Variants in BRI3BP observed in about 807,000 individuals in gnomAD.
The protein encoded by BRI3BP is BRI3 binding protein.
Under a neutral mutation model 15.8 loss-of-function variants are expected in BRI3BP, and 7 were observed. The observed-to-expected ratio is 0.44, with a 90% CI of 0.25 to 0.83. BRI3BP has a LOEUF of 0.83. BRI3BP is among the 40% of genes least tolerant of loss of function. BRI3BP has a pLI of 0.20. For synonymous variants in BRI3BP, 192 were observed against 163.5 expected (o/e 1.17, Z -1.33); for missense variants, 320 against 339.3 (o/e 0.94, Z 0.45).
chr12:125,022,294 A>G (rs1594537581), intron 2 of BRI3BP, among the ~76,000 whole-genome samples: 1 of 151,924 alleles, frequency 6.6e-6, no homozygotes, highest in African/African-American at 2.4e-5. Flanking sequence ...GAAACAAACA[A>G]TTGCAGCATG....
chr12:125,041,769 T>C, the BRI3BP span, among the ~76,000 whole-genome samples: 1 of 152,326 alleles, frequency 6.6e-6, no homozygotes, highest in South Asian at 2.1e-4. Context: ...TGATCATGGC[T>C]CACTGTGGCT....
chr12:124,994,479 G>A (rs1955024322), intron 1 of BRI3BP, among the ~76,000 whole-genome samples: 1 of 151,976 alleles, frequency 6.6e-6, no homozygotes, highest in Admixed American at 6.6e-5. Flanking sequence ...CTGCTTTGAA[G>A]ATACTTGGAG....
chr12:124,996,071 G>C (rs1955038167), intron 1 of BRI3BP, among the ~76,000 whole-genome samples: 1 of 152,054 alleles, frequency 6.6e-6, no homozygotes, highest in African/African-American at 2.4e-5. Flanking sequence ...CCACCAGCAT[G>C]CCTGGCTAAG....
rs370083039 is a variant in BRI3BP at position 125,020,165 on chromosome 12, C to T, written c.317-4826C>T. Among the ~76,000 whole-genome samples, 29 of 152,070 alleles carry T rather than the reference C, an allele frequency of 1.9e-4. No homozygotes were observed. In the East Asian group the frequency reaches 3.5e-3, roughly 18 times the overall value. The stretch of plus-strand genomic sequence containing the variant: ...TTCGCCATATTGGTCAGGCTGGTCT[C>T]GAACTCCTGACTTCAGATGATCTGC... On this transcript the variant is annotated intron_variant, in intron 2 of 2. Transcript: ENST00000341446.
At chr12:125,032,687 T>C (rs1955414839), downstream of BRI3BP, among the ~76,000 whole-genome samples, 1 of 152,020 alleles carries the variant, frequency 6.6e-6, no homozygotes, top group Non-Finnish European at 1.5e-5. Flanking sequence ...CGTGGGAGGA[T>C]CGCTTGAGCC....
intron 1 of BRI3BP, among the ~76,000 whole-genome samples, chr12:125,008,336 A>G (rs1352321889): frequency 2.6e-4 from 33 of 127,608 alleles, no homozygotes; most frequent in Non-Finnish European, 4.3e-4. Context: ...TTTTTGAGAC[A>G]GAGTCTCGCT....
the BRI3BP span, among the ~76,000 whole-genome samples, chr12:125,047,782 C>T: frequency 2.6e-5 from 4 of 152,080 alleles, no homozygotes; most frequent in African/African-American, 4.8e-5. Context: ...CTGCAACCTC[C>T]GCTTTCCAGG....
At chr12:125,035,138 C>T (rs4765207), downstream of BRI3BP, among the ~76,000 whole-genome samples, 21,656 of 152,094 alleles carry the variant, frequency 0.14, 1,919 homozygotes, top group East Asian at 0.26. Flanking sequence ...ACAAATAAAG[C>T]GACTATGAAC....
At chr12:125,006,609 G>T (rs1014352807) in intron 1 of BRI3BP, among the ~76,000 whole-genome samples, 1 of 152,200 alleles carries the variant, frequency 6.6e-6, no homozygotes, top group African/African-American at 2.4e-5. Context: ...TGCAACCCAT[G>T]AATCTGACAA....
Position 125,028,534 on chromosome 12 carries a change from A to C in BRI3BP, c.*3104A>C, listed in dbSNP as rs191981385. 6.6e-6 allele frequency: 1 copy of C among 151,930 alleles called. No individual in the cohort carries two copies. 9.4% of individuals were successfully genotyped at this position (151,930 alleles called of 1,614,324 possible). A position where few individuals can be genotyped will look rare whatever the true frequency, so the allele number is the denominator to read the frequency against. On this transcript the variant is annotated 3_prime_UTR_variant, in exon 3 of 3. Coordinates refer to ENST00000341446, the MANE Select transcript of BRI3BP (RefSeq NM_080626.6). The stretch of plus-strand genomic sequence containing the variant: ...CACTCTGGCTAAGTGTAGGCTCTGA[A>C]GCCAGTTTTATAGCTTGATACATTC...
chr12:125,049,879 G>A, the BRI3BP span, among the ~76,000 whole-genome samples: 1 of 152,190 alleles, frequency 6.6e-6, no homozygotes, highest in Non-Finnish European at 1.5e-5. Context: ...GGAGGGGACT[G>A]GGAGGGGATG....
chr12:125,041,055 T>C, the BRI3BP span, among the ~76,000 whole-genome samples: 8 of 149,344 alleles, frequency 5.4e-5, no homozygotes, highest in Non-Finnish European at 7.4e-5. Flanking sequence ...TTTATTTTTA[T>C]TTTTTTTTGA....
chr12:125,047,542 C>T, the BRI3BP span, among the ~76,000 whole-genome samples: 1 of 150,106 alleles, frequency 6.7e-6, no homozygotes, highest in Non-Finnish European at 1.5e-5. Flanking sequence ...TGCAGTGGTG[C>T]AGTCAGTATT....
At chr12:125,017,744 G>A (rs1028991781) in intron 2 of BRI3BP, among the ~76,000 whole-genome samples, 8 of 152,104 alleles carry the variant, frequency 5.3e-5, no homozygotes, top group Non-Finnish European at 8.8e-5. Context: ...TGTCTTCATC[G>A]TGTTGCTTAC....
chr12:125,040,585 C>A, the BRI3BP span, among the ~76,000 whole-genome samples: 3 of 151,470 alleles, frequency 2.0e-5, no homozygotes, highest in Non-Finnish European at 4.4e-5. Flanking sequence ...TCAGGTGATC[C>A]CCCCACCTTG....
At chr12:125,043,674 TG>T in the BRI3BP span, among the ~76,000 whole-genome samples, 1 of 151,894 alleles carries the variant, frequency 6.6e-6, no homozygotes, top group Non-Finnish European at 1.5e-5. Flanking sequence ...CTGGCCAACA[TG>T]GTGAAACCCC....
At position 124,995,706 on chromosome 12, in the gene BRI3BP, G is replaced by A. The variant is rs1955035082; in HGVS notation, c.213+1703G>A. Among the ~76,000 whole-genome samples, 5 of 152,284 alleles carry A rather than the reference G, an allele frequency of 3.3e-5. No individual in the cohort carries two copies. The South Asian group carries it at 1.0e-3, about 32-fold the overall frequency. On this transcript the variant is annotated intron_variant, in intron 1 of 2. Coordinates refer to ENST00000341446, the MANE Select transcript of BRI3BP (RefSeq NM_080626.6). ...AGAATGACCCTGTGCAGTAGGTACT[G>A]TTACTGTTCCCATTTGACAGATGAG...
intron 1 of BRI3BP, among the ~76,000 whole-genome samples, chr12:125,006,657 C>G (rs188410708): frequency 2.3e-4 from 35 of 152,322 alleles, no homozygotes; most frequent in African/African-American, 7.9e-4. Context: ...GGGCACCTGC[C>G]GTGTGCTGGG....
chr12:125,027,432 G>T lies in BRI3BP; in HGVS notation c.*2002G>T, dbSNP rs947759536. 1 of 152,040 alleles carries T rather than the reference G, an allele frequency of 6.6e-6. No individual in the cohort carries two copies. Among genetic ancestry groups the T allele is most frequent in the Non-Finnish European group, 1.5e-5 (1 of 68,094 alleles). 9.4% of individuals were successfully genotyped at this position (152,040 alleles called of 1,614,324 possible). The stretch of plus-strand genomic sequence containing the variant: ...CCCCTATAATCCCAACACTTTGGGA[G>T]GCCAAGGCAGGTGGATCACCTGAGG... On this transcript the variant is annotated 3_prime_UTR_variant, in exon 3 of 3. Transcript: ENST00000341446.
Sources: gnomAD v4.1 joint callset for allele counts (sites outside exome capture counted in the v4.1 genomes callset) on GRCh38, gnomAD v4.1.1 for gene constraint, MANE v1.5 for transcripts, NCBI Gene and HGNC (gene_info 2026-07-23, HGNC 2026-07-21) for gene names.